Variants in SLC2A13 observed in about 807,000 individuals in gnomAD.
The protein encoded by SLC2A13 is solute carrier family 2 member 13.
SLC2A13 carries 32 observed loss-of-function variants against 64.4 expected under a neutral mutation model. The ratio of observed to expected loss-of-function variants is 0.50; its 90% confidence interval spans 0.37 to 0.67. The LOEUF (loss-of-function observed/expected upper bound fraction) is 0.67, where lower values mean the gene tolerates loss of function less well. Ranked by LOEUF, SLC2A13 falls within the 30% of genes least tolerant of loss-of-function variation. The pLI is 0.00. For synonymous variants in SLC2A13, 338 were observed against 327.1 expected, an observed-to-expected ratio of 1.03 and a Z score of -0.36; for missense variants, 743 against 829.2, an observed-to-expected ratio of 0.90 and a Z score of 1.28.
At chr12:40,053,613 T>C (rs1283892695) in intron 1 of SLC2A13, among the ~76,000 whole-genome samples, 1 of 152,188 alleles carries the variant, frequency 6.6e-6, no homozygotes, top group East Asian at 1.9e-4. Flanking sequence ...TATTGCCTGC[T>C]AAGTGACTTA....
At chr12:40,030,453 A>G (rs1408374269) in intron 2 of SLC2A13, among the ~76,000 whole-genome samples, 1 of 152,236 alleles carries the variant, frequency 6.6e-6, no homozygotes, top group Non-Finnish European at 1.5e-5. Context: ...GGATTTTTCA[A>G]GGTAGACCCT....
chr12:40,022,529 A>G (rs1947736346), intron 3 of SLC2A13, among the ~76,000 whole-genome samples: 1 of 152,226 alleles, frequency 6.6e-6, no homozygotes, highest in African/African-American at 2.4e-5. Flanking sequence ...TGATCTAGGT[A>G]ATATTAACTG....
chr12:40,078,029 T>C (rs948026674), intron 1 of SLC2A13, among the ~76,000 whole-genome samples: 7 of 152,232 alleles, frequency 4.6e-5, no homozygotes, highest in Non-Finnish European at 1.5e-5. Flanking sequence ...TGAAGTTGTT[T>C]ATCAATTCTA....
chr12:40,098,117 G>GTA (rs1187368163), intron 1 of SLC2A13, among the ~76,000 whole-genome samples: 1 of 151,574 alleles, frequency 6.6e-6, no homozygotes. Flanking sequence ...ATATGTGTGT[G>GTA]TATATATAGG....
At chr12:40,029,120 T>C (rs1389108204) in intron 2 of SLC2A13, among the ~76,000 whole-genome samples, 1 of 152,210 alleles carries the variant, frequency 6.6e-6, no homozygotes, top group Non-Finnish European at 1.5e-5. Flanking sequence ...AATCTGCTCA[T>C]GTTGTTGTAA....
intron 3 of SLC2A13, among the ~76,000 whole-genome samples, chr12:39,980,579 G>C (rs376212992): frequency 6.6e-6 from 1 of 151,370 alleles, no homozygotes; most frequent in Non-Finnish European, 1.5e-5. Flanking sequence ...GACAAAGAAG[G>C]CCATTACATA....
Position 39,942,225 on chromosome 12 carries a change from GT to G in SLC2A13, c.1034+9031del, listed in dbSNP as rs545681213. Among the ~76,000 whole-genome samples the G allele has an allele frequency of 2.6e-5, 4 of 152,088 alleles. No homozygotes were observed. In the South Asian group the frequency reaches 8.3e-4, roughly 32 times the overall value. On this transcript the variant is annotated intron_variant, in intron 4 of 9. Transcript: ENST00000280871. ...TTGGTTCCATATGAATTTTAGAACTGTTTTTTTCTAATTCTGTGAAGAATGA... is the reference window on the plus strand; with the variant it reads ...TTGGTTCCATATGAATTTTAGAACTGTTTTTTCTAATTCTGTGAAGAATGA...
intron 7 of SLC2A13, among the ~76,000 whole-genome samples, chr12:39,794,848 C>T (rs1260815598): frequency 1.3e-5 from 2 of 152,130 alleles, no homozygotes; most frequent in African/African-American, 4.8e-5. Flanking sequence ...ATTTTCTCTC[C>T]ACGCATGAAG....
intron 1 of SLC2A13, among the ~76,000 whole-genome samples, chr12:40,090,001 T>G (rs1382798363): frequency 6.6e-6 from 1 of 152,160 alleles, no homozygotes; most frequent in Non-Finnish European, 1.5e-5. Context: ...TTGCTTCTTT[T>G]TTTTTATTGG....
intron 1 of SLC2A13, among the ~76,000 whole-genome samples, chr12:40,099,988 T>C (rs2136307093): frequency 6.6e-6 from 1 of 152,342 alleles, no homozygotes; most frequent in Middle Eastern, 3.4e-3. Context: ...CCAACTATGC[T>C]TACCTTAAAT....
intron 3 of SLC2A13, among the ~76,000 whole-genome samples, chr12:40,003,377 A>T (rs1488599888): frequency 6.6e-6 from 1 of 152,200 alleles, no homozygotes; most frequent in Non-Finnish European, 1.5e-5. Flanking sequence ...ATCTCCAAGG[A>T]CCAAGGAAGA....
intron 7 of SLC2A13, among the ~76,000 whole-genome samples, chr12:39,779,522 AT>A (rs541192984): frequency 6.6e-6 from 1 of 152,190 alleles, no homozygotes; most frequent in Non-Finnish European, 1.5e-5. Context: ...TTGGCACAAC[AT>A]TTTACACATA....
chr12:39,804,050 G>A (rs934872569), intron 7 of SLC2A13, among the ~76,000 whole-genome samples: 12 of 151,892 alleles, frequency 7.9e-5, no homozygotes, highest in African/African-American at 2.9e-4. Flanking sequence ...AAGAAATAAT[G>A]AAAAAAACTG....
At chr12:39,957,454 C>A (rs186442346) in intron 3 of SLC2A13, among the ~76,000 whole-genome samples, 1 of 152,138 alleles carries the variant, frequency 6.6e-6, no homozygotes, top group African/African-American at 2.4e-5. Context: ...GTGCTCCTTA[C>A]GACTGCAATT....
At chr12:40,006,675 G>A (rs1947425288) in intron 3 of SLC2A13, among the ~76,000 whole-genome samples, 1 of 152,156 alleles carries the variant, frequency 6.6e-6, no homozygotes, top group South Asian at 2.1e-4. Flanking sequence ...TATCAGAAGT[G>A]CAGGAAGCAA....
At chr12:39,972,024 A>T (rs1268674471) in intron 3 of SLC2A13, among the ~76,000 whole-genome samples, 2 of 117,576 alleles carry the variant, frequency 1.7e-5, no homozygotes, top group Admixed American at 9.8e-5. Context: ...ATTTTTTTTT[A>T]TATAAATATA....
intron 4 of SLC2A13, among the ~76,000 whole-genome samples, chr12:39,935,024 AGAAAG>A (rs1303382415): frequency 6.6e-6 from 1 of 152,226 alleles, no homozygotes; most frequent in East Asian, 1.9e-4. Flanking sequence ...ACCTGCCCTC[AGAAAG>A]AAGGAACCAA....
Position 39,947,206 on chromosome 12 carries a change from C to T in SLC2A13, c.1034+4051G>A, listed in dbSNP as rs7306920. Among the ~76,000 whole-genome samples the T allele has an allele frequency of 8.4e-3, 1,285 of 152,220 alleles. 9 individuals carry two copies. The highest frequency in any genetic ancestry group is 0.029 in the African/African-American group (1,199 of 41,512). On this transcript the variant is annotated intron_variant, in intron 4 of 9. Transcript: ENST00000280871. ...GGCTAAAAAGTAAAAGACCAAATGC[C>T]CCAGAGAAGATTCCCCCACAGTTCT...
intron 7 of SLC2A13, among the ~76,000 whole-genome samples, chr12:39,802,071 C>T (rs1172159270): frequency 6.6e-6 from 1 of 152,140 alleles, no homozygotes; most frequent in East Asian, 1.9e-4. Context: ...AATAGAGAAG[C>T]ACTAAGTGGG....
Sources: gnomAD v4.1 joint callset for allele counts (sites outside exome capture counted in the v4.1 genomes callset) on GRCh38, gnomAD v4.1.1 for gene constraint, MANE v1.5 for transcripts, NCBI Gene and HGNC (gene_info 2026-07-23, HGNC 2026-07-21) for gene names.